The following DEFA5 variants were observed in gnomAD, a reference collection of about 807,000 sequenced individuals.
The protein encoded by DEFA5 is HD5(20-94).
In DEFA5, 11 loss-of-function variants were observed where a neutral mutation model predicts 8.7. The observed-to-expected ratio is 1.26, with a 90% confidence interval of 0.80 to 2.09. The LOEUF (loss-of-function observed/expected upper bound fraction) is 2.09. Among genes scored for constraint, DEFA5 ranks in the 30% most tolerant of loss-of-function variants. The probability of loss-of-function intolerance (pLI) is 0.00; values close to 1 mark genes in which losing one functional copy is unlikely to be tolerated. For synonymous variants in DEFA5, 52 were observed against 43.9 expected, an observed-to-expected ratio of 1.18 and a Z score of -0.73; for missense variants, 181 against 117.2, an observed-to-expected ratio of 1.54 and a Z score of -2.52.
chr8:7,056,673 C>T lies in DEFA5; in HGVS notation c.25G>A (p.Ala9Thr), dbSNP rs761462967. MRTIAILA[A>T]ILLVALQAQA... Reference sequence around the variant, plus strand: ...GCCTGCAGGGCCACCAGGAGAATGGCAGCAAGGATGGCGATGGTCCTCATG... The same window carrying T: ...GCCTGCAGGGCCACCAGGAGAATGGTAGCAAGGATGGCGATGGTCCTCATG... The change falls in exon 1 of 2, where the codon GCC becomes ACC. Residue 9 changes from alanine to threonine, a missense_variant. By Grantham distance (58) the Ala-to-Thr change is moderately conservative. Coordinates refer to ENST00000330590, the MANE Select transcript of DEFA5 (RefSeq NM_021010.3). 2 of 1,613,204 alleles carry T rather than the reference C, an allele frequency of 1.2e-6. No individual in the cohort carries two copies. The highest frequency in any genetic ancestry group is 1.7e-6 in the Non-Finnish European group (2 of 1,179,468).
intron 1 of DEFA5, among the ~76,000 whole-genome samples, chr8:7,056,203 C>G (rs894809603): frequency 1.3e-5 from 2 of 152,080 alleles, no homozygotes; most frequent in African/African-American, 4.8e-5. Context: ...GTTCTAAAAG[C>G]TTTTCCAATG....
intron 1 of DEFA5, among the ~76,000 whole-genome samples, chr8:7,056,177 A>G (rs1812423291): frequency 6.6e-6 from 1 of 152,098 alleles, no homozygotes; most frequent in Non-Finnish European, 1.5e-5. Context: ...AAACACACCT[A>G]TAGGTTCCTC....
chr8:7,055,505 G>T lies in DEFA5; in HGVS notation c.211C>A (p.Arg71Ser), dbSNP rs137962701. 2 of 1,613,694 alleles carry T rather than the reference G, an allele frequency of 1.2e-6. No homozygotes were observed. The highest frequency in any genetic ancestry group is 1.7e-6 in the Non-Finnish European group (2 of 1,179,848). The stretch of plus-strand genomic sequence containing the variant: ...GAGAGGGACTCACGGGTAGCACAAC[G>T]GCCGGTTCGGCAATAGCAGGTGGCT... ...ARATCYCRTGRCATRESLSGV... is the reference protein window; with the variant it reads ...ARATCYCRTGSCATRESLSGV... Residue 71 changes from arginine (R) to serine (S), a missense_variant, in exon 2 of 2, where the codon CGT (arginine) becomes AGT (serine). Coordinates refer to ENST00000330590, the MANE Select transcript of DEFA5 (RefSeq NM_021010.3).
rs781239190 is a variant in DEFA5 at position 7,056,652 on chromosome 8, G to A, written c.46C>T (p.Gln16Ter). Residue 16 changes from glutamine (Q) to a stop codon, truncating the protein, a stop_gained, in exon 1 of 2, where the codon CAG becomes TAG. Coordinates refer to ENST00000330590, the MANE Select transcript of DEFA5 (RefSeq NM_021010.3). LOFTEE classifies it high-confidence loss of function. ...ILAAILLVAL[Q>*]AQAESLQERA... ...TCCTGGAGTGACTCAGCCTGGGCCT[G>A]CAGGGCCACCAGGAGAATGGCAGCA... is the stretch of plus-strand genomic sequence containing the variant. The A allele has an allele frequency of 2.5e-6, 4 of 1,613,642 alleles. No individual in the cohort carries two copies. The African/African-American group carries it at 4.0e-5, about 16-fold the overall frequency.
In DEFA5 at chr8:7,056,722, G is replaced by C. The variant is rs557756105; in HGVS notation, c.-25C>G. On this transcript the variant is annotated 5_prime_UTR_variant, in exon 1 of 2. Coordinates refer to ENST00000330590, the MANE Select transcript of DEFA5 (RefSeq NM_021010.3). The stretch of plus-strand genomic sequence containing the variant: ...TGGCTGGGGTCACCTGCAGGAGGGA[G>C]AGCAGGAGTGGATATGTGGGGAGTG... 6.9e-6 allele frequency: 11 copies of C among 1,597,170 alleles called. No individual in the cohort carries two copies. Among genetic ancestry groups the C allele is most frequent in the Admixed American group, 3.4e-5 (2 of 59,588 alleles).
In DEFA5 at chr8:7,055,560, G is replaced by T. The variant is rs371223516; in HGVS notation, c.173-17C>A. The T allele has an allele frequency of 6.3e-7, 1 of 1,580,688 alleles. No individual in the cohort carries two copies. The highest frequency in any genetic ancestry group is 1.3e-5 in the African/African-American group (1 of 74,444). On this transcript the variant is annotated splice_polypyrimidine_tract_variant and intron_variant, in intron 1 of 1. Transcript: ENST00000330590. ...CCTGAGAACCTGTGGAAAGAAGAGA[G>T]GGTCAGGCACAGCGAGGGAGGTGGG...
At chr8:7,055,920 G>T (rs534783681) in intron 1 of DEFA5, among the ~76,000 whole-genome samples, 2 of 151,570 alleles carry the variant, frequency 1.3e-5, no homozygotes, top group Admixed American at 1.3e-4. Context: ...CTGAAATGCC[G>T]CATTGTGCAT....
Position 7,056,606 on chromosome 8 carries a change from G to C in DEFA5, c.92C>G (p.Thr31Ser). Reference protein sequence around the residue: ...SLQERADEATTQKQSGEDNQD... With the variant: ...SLQERADEATSQKQSGEDNQD... The stretch of plus-strand genomic sequence containing the variant: ...GTTGTCTTCCCCAGACTGCTTCTGG[G>C]TTGTAGCCTCATCAGCTCTTTCCTG... Residue 31 changes from threonine to serine, a missense_variant, in exon 1 of 2, where the codon ACC becomes AGC. Transcript: ENST00000330590. 1.2e-6 allele frequency: 2 copies of C among 1,614,178 alleles called. No homozygotes were observed. Among genetic ancestry groups the C allele is most frequent in the Non-Finnish European group, 1.7e-6 (2 of 1,180,004 alleles).
chr8:7,056,707 C>T lies in DEFA5; in HGVS notation c.-10G>A, dbSNP rs768401099. 2 of 1,604,832 alleles carry T rather than the reference C, an allele frequency of 1.2e-6. No individual in the cohort carries two copies. The highest frequency in any genetic ancestry group is 1.3e-5 in the African/African-American group (1 of 74,748). ...TGGCGATGGTCCTCATGGCTGGGGT[C>T]ACCTGCAGGAGGGAGAGCAGGAGTG... On this transcript the variant is annotated 5_prime_UTR_variant, in exon 1 of 2. Transcript: ENST00000330590.
chr8:7,056,433 A>C, intron 1 of DEFA5, 93 bp downstream of exon 1: 1 of 1,288,044 alleles, frequency 7.8e-7, no homozygotes, highest in Non-Finnish European at 1.0e-6. Context: ...AAAGTCACTC[A>C]AGTGAGGTAG....
At position 7,056,633 on chromosome 8, in the gene DEFA5, A is replaced by T; in HGVS notation, c.65T>A (p.Leu22His). ...LVALQAQAES[L>H]QERADEATTQ... ...TGTAGCCTCATCAGCTCTTTCCTGG[A>T]GTGACTCAGCCTGGGCCTGCAGGGC... The change falls in exon 1 of 2, where the codon CTC becomes CAC. Residue 22 changes from leucine (L) to histidine (H), a missense_variant. Coordinates refer to ENST00000330590, the MANE Select transcript of DEFA5 (RefSeq NM_021010.3). 1 of 1,614,080 alleles carries T rather than the reference A, an allele frequency of 6.2e-7. No homozygotes were observed. Among genetic ancestry groups the T allele is most frequent in the Non-Finnish European group, 8.5e-7 (1 of 1,179,954 alleles).
intron 1 of DEFA5, among the ~76,000 whole-genome samples, chr8:7,056,007 G>A (rs1025599775): frequency 9.4e-6 from 1 of 106,006 alleles, no homozygotes; most frequent in Non-Finnish European, 1.8e-5. Context: ...TTCATTCTCT[G>A]TCTCTCCTTT....
At chr8:7,056,196 C>T (rs1300756149) in intron 1 of DEFA5, among the ~76,000 whole-genome samples, 1 of 152,068 alleles carries the variant, frequency 6.6e-6, no homozygotes, top group African/African-American at 2.4e-5. Flanking sequence ...TCTCTAGGTT[C>T]TAAAAGCTTT....
Position 7,055,344 on chromosome 8 carries a change from A to T in DEFA5, c.*87T>A, listed in dbSNP as rs1812376199. On this transcript the variant is annotated 3_prime_UTR_variant, in exon 2 of 2. Coordinates refer to ENST00000330590, the MANE Select transcript of DEFA5 (RefSeq NM_021010.3). ...TTATTTTGGAGAGAGAAATTTAGAA[A>T]GACACAAGGTACACAGAGTAAAATG... The T allele has an allele frequency of 4.2e-6, 4 of 942,022 alleles. No homozygotes were observed. The Admixed American group carries it at 9.4e-5, about 22-fold the overall frequency. 58.4% of individuals were successfully genotyped at this position (942,022 alleles called of 1,614,324 possible). A position where few individuals can be genotyped will look rare whatever the true frequency, so the allele number is the denominator to read the frequency against.
Position 7,055,449 on chromosome 8 carries a change from G to C in DEFA5, c.267C>G (p.Tyr89Ter). The change falls in exon 2 of 2, where the codon TAC (tyrosine) becomes TAG (stop). Residue 89 changes from tyrosine (Y) to a stop codon, truncating the protein, a stop_gained. Transcript: ENST00000330590. LOFTEE classifies it high-confidence loss of function. ...AGGAAGCTCAGCGACAGCAGAGTCT[G>C]TAGAGGCGGCCACTGATTTCACACA... ...SGVCEISGRL[Y>*]RLCCR 4.3e-6 allele frequency: 7 copies of C among 1,613,832 alleles called. No homozygotes were observed. The highest frequency in any genetic ancestry group is 5.9e-6 in the Non-Finnish European group (7 of 1,179,886).
rs200502095 is a variant in DEFA5 at position 7,055,574 on chromosome 8, G to A, written c.173-31C>T. On this transcript the variant is annotated intron_variant, in intron 1 of 1. Coordinates refer to ENST00000330590, the MANE Select transcript of DEFA5 (RefSeq NM_021010.3). ...GAAAGAAGAGAGGGTCAGGCACAGCGAGGGAGGTGGGAAAAAGGACAAGCA... is the reference window on the plus strand; with the variant it reads ...GAAAGAAGAGAGGGTCAGGCACAGCAAGGGAGGTGGGAAAAAGGACAAGCA... The A allele has an allele frequency of 2.4e-5, 36 of 1,490,548 alleles. 1 individual carries two copies. The highest frequency in any genetic ancestry group is 9.2e-5 in the East Asian group (4 of 43,258). 92.3% of individuals were successfully genotyped at this position (1,490,548 alleles called of 1,614,324 possible).
At position 7,056,728 on chromosome 8, in the gene DEFA5, G is replaced by C. The variant is rs1174547095; in HGVS notation, c.-31C>G. 6.3e-7 allele frequency: 1 copy of C among 1,591,100 alleles called. No homozygotes were observed. The highest frequency in any genetic ancestry group is 1.1e-5 in the South Asian group (1 of 88,928). ...GGGTCACCTGCAGGAGGGAGAGCAGGAGTGGATATGTGGGGAGTGAGGAGT... is the reference window on the plus strand; with the variant it reads ...GGGTCACCTGCAGGAGGGAGAGCAGCAGTGGATATGTGGGGAGTGAGGAGT... On this transcript the variant is annotated 5_prime_UTR_variant, in exon 1 of 2. Transcript: ENST00000330590.
rs1489042921 is a variant in DEFA5 at position 7,056,712 on chromosome 8, G to A, written c.-15C>T. 6.2e-7 allele frequency: 1 copy of A among 1,602,932 alleles called. No individual in the cohort carries two copies. The highest frequency in any genetic ancestry group is 8.5e-7 in the Non-Finnish European group (1 of 1,172,494). On this transcript the variant is annotated 5_prime_UTR_variant, in exon 1 of 2. Transcript: ENST00000330590. Reference sequence around the variant, plus strand: ...ATGGTCCTCATGGCTGGGGTCACCTGCAGGAGGGAGAGCAGGAGTGGATAT... The same window carrying A: ...ATGGTCCTCATGGCTGGGGTCACCTACAGGAGGGAGAGCAGGAGTGGATAT...
At chr8:7,055,969 T>G (rs1812409358) in intron 1 of DEFA5, among the ~76,000 whole-genome samples, 1 of 150,876 alleles carries the variant, frequency 6.6e-6, no homozygotes, top group Non-Finnish European at 1.5e-5. Flanking sequence ...GCTCAAGGAG[T>G]CTTTGAAGAC....
Sources: gnomAD v4.1 joint callset for allele counts (sites outside exome capture counted in the v4.1 genomes callset) on GRCh38, gnomAD v4.1.1 for gene constraint, MANE v1.5 for transcripts, NCBI Gene and HGNC (gene_info 2026-07-23, HGNC 2026-07-21) for gene names.